Variants in PHACTR3 observed in about 807,000 individuals in gnomAD.
PHACTR3 encodes the protein phosphatase and actin regulator 3, also known as protein phosphatase 1, regulatory subunit 123.
Under a neutral mutation model 66.8 loss-of-function variants are expected in PHACTR3, and 16 were observed. That is an observed-to-expected ratio of 0.24 (90% CI 0.16 to 0.36). The LOEUF is 0.36. PHACTR3 is among the 10% of genes least tolerant of loss of function. The pLI is 1.00. For missense variants in PHACTR3, 647 were observed against 719.9 expected, an observed-to-expected ratio of 0.90 and a Z score of 1.16; for synonymous variants, 323 against 292.1, an observed-to-expected ratio of 1.11 and a Z score of -1.08.
intron 7 of PHACTR3, among the ~76,000 whole-genome samples, chr20:59,800,707 T>C (rs895445191): frequency 5.9e-5 from 9 of 152,366 alleles, no homozygotes; most frequent in African/African-American, 2.2e-4. Flanking sequence ...TAATTTTTTA[T>C]TGGATGACAC....
At chr20:59,626,800 G>T (rs997015373) in intron 1 of PHACTR3, 2 of 152,308 alleles carry the variant, frequency 1.3e-5, no homozygotes, top group African/African-American at 2.4e-5. Flanking sequence ...GGAGCAGGTT[G>T]TTCACAGCAG....
intron 1 of PHACTR3, among the ~76,000 whole-genome samples, chr20:59,688,517 T>C (rs1372995577): frequency 6.6e-6 from 1 of 152,210 alleles, no homozygotes; most frequent in African/African-American, 2.4e-5. Context: ...TCAGTGATCA[T>C]GTTTCTCTCT....
chr20:59,741,975 C>T (rs2039177231), intron 1 of PHACTR3, among the ~76,000 whole-genome samples: 1 of 152,188 alleles, frequency 6.6e-6, no homozygotes, highest in South Asian at 2.1e-4. Context: ...GTCGGTCAGG[C>T]TGGTCTCGAA....
intron 5 of PHACTR3, among the ~76,000 whole-genome samples, chr20:59,771,055 G>A (rs527314776): frequency 1.6e-4 from 25 of 152,322 alleles, no homozygotes; most frequent in Non-Finnish European, 3.1e-4. Flanking sequence ...GGTGGGGCGA[G>A]CCAGGCAAAG....
chr20:59,809,674 T>A (rs530814065), intron 8 of PHACTR3, among the ~76,000 whole-genome samples: 2 of 152,156 alleles, frequency 1.3e-5, no homozygotes, highest in Non-Finnish European at 2.9e-5. Context: ...AGATTGCTGA[T>A]CATAAACTTG....
intron 1 of PHACTR3, among the ~76,000 whole-genome samples, chr20:59,689,360 C>G (rs1181657715): frequency 6.6e-6 from 1 of 152,236 alleles, no homozygotes; most frequent in Non-Finnish European, 1.5e-5. Flanking sequence ...GACCCAGAAG[C>G]AGGAAGATGG....
intron 1 of PHACTR3, among the ~76,000 whole-genome samples, chr20:59,709,909 T>G (rs1277895973): frequency 6.6e-6 from 1 of 152,116 alleles, no homozygotes; most frequent in Non-Finnish European, 1.5e-5. Flanking sequence ...AAGTGCAGCT[T>G]ATAGGCTACT....
At chr20:59,584,456 G>A (rs2032960272) in intron 1 of PHACTR3, among the ~76,000 whole-genome samples, 1 of 152,084 alleles carries the variant, frequency 6.6e-6, no homozygotes, top group African/African-American at 2.4e-5. Context: ...GTGCAGGAGT[G>A]TGTGTGAAGG....
intron 1 of PHACTR3, among the ~76,000 whole-genome samples, chr20:59,675,324 C>T (rs2036418932): frequency 2.0e-5 from 3 of 151,984 alleles, no homozygotes; most frequent in Admixed American, 2.0e-4. Flanking sequence ...CAGGTGGGTA[C>T]ACAGAAGAGG....
At chr20:59,750,787 T>C (rs543287750) in intron 3 of PHACTR3, among the ~76,000 whole-genome samples, 1 of 152,312 alleles carries the variant, frequency 6.6e-6, no homozygotes, top group East Asian at 1.9e-4. Flanking sequence ...CAGTCGACTC[T>C]TCTGTGCTGC....
intron 8 of PHACTR3, among the ~76,000 whole-genome samples, chr20:59,833,277 C>G (rs760911190): frequency 1.3e-5 from 2 of 152,226 alleles, no homozygotes; most frequent in East Asian, 3.8e-4. Flanking sequence ...GATTGGACCA[C>G]TACCAGACTG....
chr20:59,784,754 G>A (rs1189400710), intron 7 of PHACTR3, among the ~76,000 whole-genome samples: 1 of 152,194 alleles, frequency 6.6e-6, no homozygotes, highest in Non-Finnish European at 1.5e-5. Context: ...TACACTGTGG[G>A]ACGTTGTCAT....
At chr20:59,730,595 G>A (rs2038728461) in intron 1 of PHACTR3, among the ~76,000 whole-genome samples, 1 of 152,126 alleles carries the variant, frequency 6.6e-6, no homozygotes, top group Admixed American at 6.5e-5. Context: ...GCCCCCAGGG[G>A]TTAGAAGTGA....
intron 8 of PHACTR3, among the ~76,000 whole-genome samples, chr20:59,815,623 C>T (rs1232349980): frequency 6.6e-6 from 1 of 152,010 alleles, no homozygotes; most frequent in East Asian, 1.9e-4. Flanking sequence ...CAGTGTTTCA[C>T]CATGTTGGCC....
chr20:59,653,432 C>A (rs1016039162), intron 1 of PHACTR3, among the ~76,000 whole-genome samples: 1 of 152,112 alleles, frequency 6.6e-6, no homozygotes, highest in African/African-American at 2.4e-5. Context: ...ATCCACCTGC[C>A]TTGGCCTCCC....
chr20:59,723,110 C>CTTTT (rs1185944538), intron 1 of PHACTR3, among the ~76,000 whole-genome samples: 2 of 123,758 alleles, frequency 1.6e-5, no homozygotes, highest in African/African-American at 3.3e-5. Context: ...TTCTTTCTTT[C>CTTTT]TTTCTTTCTT....
chr20:59,585,138 G>A (rs2032984619), intron 1 of PHACTR3, among the ~76,000 whole-genome samples: 1 of 152,198 alleles, frequency 6.6e-6, no homozygotes, highest in Non-Finnish European at 1.5e-5. Flanking sequence ...CAACCCGAGA[G>A]AAACAGACTC....
intron 1 of PHACTR3, among the ~76,000 whole-genome samples, chr20:59,671,113 T>G (rs1355545251): frequency 5.3e-5 from 8 of 152,006 alleles, no homozygotes; most frequent in Admixed American, 5.2e-4. Flanking sequence ...TATTCTGAGC[T>G]TTTTTTTCTT....
intron 7 of PHACTR3, among the ~76,000 whole-genome samples, chr20:59,796,466 T>C (rs1337799765): frequency 6.6e-6 from 1 of 152,180 alleles, no homozygotes; most frequent in East Asian, 1.9e-4. Flanking sequence ...TACTTTCACA[T>C]GTTTTCATGA....
Sources: gnomAD v4.1 joint callset for allele counts (sites outside exome capture counted in the v4.1 genomes callset) on GRCh38, gnomAD v4.1.1 for gene constraint, MANE v1.5 for transcripts, NCBI Gene and HGNC (gene_info 2026-07-23, HGNC 2026-07-21) for gene names.